Variants in CACNA1H observed in about 807,000 individuals in gnomAD.
CACNA1H encodes the protein calcium voltage-gated channel subunit alpha1 H, also known as voltage-dependent T-type calcium channel subunit alpha-1H.
A neutral mutation model predicts 192.5 loss-of-function variants in CACNA1H; 149 were observed. The observed-to-expected ratio is 0.77, with a 90% CI of 0.68 to 0.89. The LOEUF is 0.89. Ranked by LOEUF, CACNA1H falls within the 40% of genes least tolerant of loss-of-function variation. The pLI, the probability that CACNA1H is intolerant of heterozygous loss-of-function variation, is 0.00. For missense variants in CACNA1H, 4,257 were observed against 3,423.5 expected, an observed-to-expected ratio of 1.24 and a Z score of -6.08; for synonymous variants, 2,202 against 1,475.2, an observed-to-expected ratio of 1.49 and a Z score of -11.29.
At chr16:1,160,906 G>C (rs1174923010) in intron 2 of CACNA1H, among the ~76,000 whole-genome samples, 1 of 152,128 alleles carries the variant, frequency 6.6e-6, no homozygotes, top group Non-Finnish European at 1.5e-5. Context: ...GGCCGGCGAG[G>C]ACCGAGGCAT....
rs375135684 is a variant in CACNA1H at position 1,210,391 on chromosome 16, G to C, written c.3867G>C (p.Lys1289Asn). 11 of 1,192,866 alleles carry C rather than the reference G, an allele frequency of 9.2e-6. No homozygotes were observed. Among genetic ancestry groups the C allele is most frequent in the Non-Finnish European group, 1.0e-5 (9 of 887,984 alleles). 73.9% of individuals were successfully genotyped at this position (1,192,866 alleles called of 1,614,324 possible). The change falls in exon 19 of 35, where the codon AAG becomes AAC. Residue 1289 changes from lysine (K) to asparagine (N), a missense_variant. Coordinates refer to ENST00000348261, the MANE Select transcript of CACNA1H (RefSeq NM_021098.3). ...CCAGGTTCCGCGTCTCCTGCCAGAAGGTCATCACACACAAGATGTTTGATC... is the reference window on the plus strand; with the variant it reads ...CCAGGTTCCGCGTCTCCTGCCAGAACGTCATCACACACAAGATGTTTGATC... ...PQNRFRVSCQ[K>N]VITHKMFDHV...
intron 2 of CACNA1H, among the ~76,000 whole-genome samples, chr16:1,161,529 G>A (rs1963198067): frequency 6.6e-6 from 1 of 152,154 alleles, no homozygotes; most frequent in African/African-American, 2.4e-5. Context: ...CAACTGGGTG[G>A]AGCCTCCTGG....
intron 25 of CACNA1H, 79 bp downstream of exon 25, chr16:1,212,217 G>T (rs758047061): frequency 2.0e-6 from 3 of 1,494,866 alleles, no homozygotes; most frequent in African/African-American, 2.8e-5. Flanking sequence ...CTCCACTCCC[G>T]CCCCGGCCTC....
intron 2 of CACNA1H, among the ~76,000 whole-genome samples, chr16:1,158,668 G>C (rs1289713155): frequency 6.6e-6 from 1 of 152,192 alleles, no homozygotes; most frequent in East Asian, 1.9e-4. Flanking sequence ...AGCAGGCCGG[G>C]CCCTGGCAGG....
rs779815222 is a variant in CACNA1H, at chr16:1,210,418, C to T, written c.3894C>T (p.His1298=). 8 of 1,473,098 alleles carry T rather than the reference C, an allele frequency of 5.4e-6. No individual in the cohort carries two copies. The highest frequency in any genetic ancestry group is 3.0e-5 in the East Asian group (1 of 33,550). The allele number at this position is 1,473,098 out of a possible 1,614,324, so 91.3% of individuals were successfully genotyped here. The change falls in exon 19 of 35, where the codon CAC becomes CAT. Residue 1298 remains histidine, a synonymous_variant. Coordinates refer to ENST00000348261, the MANE Select transcript of CACNA1H (RefSeq NM_021098.3). ...TCATCACACACAAGATGTTTGATCACGTGGTCCTCGTCTTCATCTTCCTCA... is the reference window on the plus strand; with the variant it reads ...TCATCACACACAAGATGTTTGATCATGTGGTCCTCGTCTTCATCTTCCTCA... ...QKVITHKMFD[H]VVLVFIFLNC... is the part of the protein sequence containing the mutation.
Position 1,220,288 on chromosome 16 carries a change from G to A in CACNA1H, c.6356G>A (p.Gly2119Asp), listed in dbSNP as rs766674239. 6.3e-7 allele frequency: 1 copy of A among 1,578,398 alleles called. No homozygotes were observed. The highest frequency in any genetic ancestry group is 1.1e-5 in the South Asian group (1 of 88,590). Residue 2119 changes from glycine (G) to aspartate (D), a missense_variant, in exon 35 of 35, where the codon GGC becomes GAC. Coordinates refer to ENST00000348261, the MANE Select transcript of CACNA1H (RefSeq NM_021098.3). The part of the protein sequence containing the change: ...CPWQPTAEPH[G>D]PEASPVAGGE... Reference sequence around the variant, plus strand: ...TGGCAGCCCACAGCCGAGCCCCATGGCCCCGAAGCCTCTCCGGTGGCCGGC... The same window carrying A: ...TGGCAGCCCACAGCCGAGCCCCATGACCCCGAAGCCTCTCCGGTGGCCGGC...
intron 6 of CACNA1H, among the ~76,000 whole-genome samples, chr16:1,199,822 C>T (rs972437882): frequency 1.3e-5 from 2 of 151,806 alleles, no homozygotes; most frequent in African/African-American, 2.4e-5. Flanking sequence ...TTTCCCTCAC[C>T]CCAGGCTTCC....
rs563732071 is a variant in CACNA1H, at chr16:1,171,078, C to T, written c.299+17042C>T. ...TTCCTGCACACCCTTGGCTCCCTGT[C>T]CCACTCCACGGCCAGGCCTTTGTCC... On this transcript the variant is annotated intron_variant, in intron 2 of 34. Transcript: ENST00000348261. Among the ~76,000 whole-genome samples, 3 of 152,306 alleles carry T rather than the reference C, an allele frequency of 2.0e-5. No homozygotes were observed. The East Asian group carries it at 5.8e-4, about 29-fold the overall frequency.
rs540298431 is a variant in CACNA1H at position 1,208,200 on chromosome 16, A to G, written c.3342A>G (p.Pro1114=). 10 of 1,564,228 alleles carry G rather than the reference A, an allele frequency of 6.4e-6. No individual in the cohort carries two copies. In the African/African-American group the frequency reaches 1.2e-4, roughly 19 times the overall value. ...GCAGCAGCAGCTCCGGGGACCCGCC[A>G]CTGGGAGACCAGAAGCCTCCGGTAG... ...RRGSSSSGDP[P]LGDQKPPASL... is the part of the protein sequence containing the mutation. The change falls in exon 16 of 35, where the codon CCA becomes CCG. Residue 1114 remains proline (P), a synonymous_variant. Transcript: ENST00000348261.
Position 1,204,135 on chromosome 16 carries a change from C to G in CACNA1H, c.2128C>G (p.Pro710Ala), listed in dbSNP as rs758252920. ...CPYCTRALED[P>A]EGELSGSESG... ...GTACTGCACCCGTGCCCTGGAGGAC[C>G]CGGAGGGTGAGCTCAGCGGCTCGGA... Residue 710 changes from proline to alanine, a missense_variant, in exon 10 of 35, where the codon CCG becomes GCG. Pro to Ala is a conservative substitution (Grantham distance 27, BLOSUM62 -1). Transcript: ENST00000348261. The G allele has an allele frequency of 6.2e-7, 1 of 1,612,394 alleles. No homozygotes were observed. Among genetic ancestry groups the G allele is most frequent in the African/African-American group, 1.3e-5 (1 of 75,056 alleles).
intron 4 of CACNA1H, 114 bp from the exon 5 acceptor site, chr16:1,195,812 C>T (rs1966895399): frequency 2.1e-6 from 2 of 957,252 alleles, no homozygotes; most frequent in East Asian, 2.5e-5. Context: ...GTACAAGGTC[C>T]TCCGGGTGCC....
chr16:1,184,888 G>A (rs1965828425), intron 2 of CACNA1H, among the ~76,000 whole-genome samples: 1 of 131,718 alleles, frequency 7.6e-6, no homozygotes, highest in Non-Finnish European at 1.6e-5. Flanking sequence ...CGTACCATGG[G>A]ATTAGCCATT....
rs1555511788 is a variant in CACNA1H at position 1,201,741 on chromosome 16, C to T, written c.1291C>T (p.Gln431Ter). Reference sequence around the variant, plus strand: ...CTCGGAGACGAAGCAGCGGGAGAGTCAGCTGATGCGGGAGCAGCGGGCACG... The same window carrying T: ...CTCGGAGACGAAGCAGCGGGAGAGTTAGCTGATGCGGGAGCAGCGGGCACG... ...QFSETKQRES[Q>*]LMREQRARHL... is the part of the protein sequence containing the mutation. Residue 431 changes from glutamine to a stop codon, truncating the protein, a stop_gained, in exon 9 of 35, where the codon CAG becomes TAG. Coordinates refer to ENST00000348261, the MANE Select transcript of CACNA1H (RefSeq NM_021098.3). LOFTEE classifies it high-confidence loss of function. The T allele has an allele frequency of 1.2e-6, 2 of 1,610,416 alleles. No homozygotes were observed. Among genetic ancestry groups the T allele is most frequent in the East Asian group, 2.2e-5 (1 of 44,818 alleles).
At position 1,172,554 on chromosome 16, in the gene CACNA1H, C is replaced by T. The variant is rs1018816751; in HGVS notation, c.299+18518C>T. Among the ~76,000 whole-genome samples the T allele has an allele frequency of 3.3e-5, 5 of 152,182 alleles. 1 individual carries two copies. Among genetic ancestry groups the T allele is most frequent in the African/African-American group, 7.2e-5 (3 of 41,452 alleles). On this transcript the variant is annotated intron_variant, in intron 2 of 34. Transcript: ENST00000348261. ...CCGCTCTGTGGAGGGAACCCCGAGG[C>T]GTGGGAGCAGTGGGTAGTCTGCACT...
At chr16:1,207,233 C>T (rs774791065) in intron 13 of CACNA1H, 42 bp from the exon 14 acceptor site, 39 of 1,569,138 alleles carry the variant, frequency 2.5e-5, no homozygotes, top group Admixed American at 5.5e-5. Context: ...GCCGGCATTT[C>T]GGGGCTGGGG....
At chr16:1,154,063 G>T (rs868008563) in intron 2 of CACNA1H, 27 bp downstream of exon 2, 4 of 958,056 alleles carry the variant, frequency 4.2e-6, no homozygotes, top group Non-Finnish European at 4.0e-6. Flanking sequence ...GCGGGGGGCG[G>T]GGGGCGGGGG....
Position 1,213,838 on chromosome 16 carries a change from G to C in CACNA1H, c.4836G>C (p.Ser1612=). The C allele has an allele frequency of 1.3e-6, 2 of 1,599,092 alleles. No individual in the cohort carries two copies. The highest frequency in any genetic ancestry group is 1.7e-6 in the Non-Finnish European group (2 of 1,173,904). The change falls in exon 27 of 35, where the codon TCG becomes TCC. Residue 1612 remains serine (S), a synonymous_variant. Coordinates refer to ENST00000348261, the MANE Select transcript of CACNA1H (RefSeq NM_021098.3). Reference sequence around the variant, plus strand: ...CGCCCACGCGCCGCTCCATTCACTCGCTGTGCACCAGCCACTATCTCGACC... The same window carrying C: ...CGCCCACGCGCCGCTCCATTCACTCCCTGTGCACCAGCCACTATCTCGACC... ...DYSPTRRSIH[S]LCTSHYLDLF... is the part of the protein sequence containing the mutation.
chr16:1,208,886 T>A (rs1356235467), intron 16 of CACNA1H, 146 bp from the exon 17 acceptor site: 4 of 894,908 alleles, frequency 4.5e-6, no homozygotes, highest in Non-Finnish European at 6.2e-6. Context: ...GGTGTCCCCC[T>A]AAAATCACAG....
Position 1,211,545 on chromosome 16 carries a change from A to G in CACNA1H, c.4415A>G (p.Gln1472Arg). Residue 1472 changes from glutamine to arginine, a missense_variant, in exon 23 of 35, where the codon CAG becomes CGG. By Grantham distance (43) the Gln-to-Arg change is conservative. Transcript: ENST00000348261. ...ACCAGGAACATCTCCACCAAGGCAC[A>G]GTGCCGGGCCGCCCACTACCGCTGG... ...PDTRNISTKA[Q>R]CRAAHYRWVR... 6.2e-7 allele frequency: 1 copy of G among 1,612,334 alleles called. No individual in the cohort carries two copies. Among genetic ancestry groups the G allele is most frequent in the Non-Finnish European group, 8.5e-7 (1 of 1,179,680 alleles).
Sources: allele counts gnomAD v4.1 joint callset (sites outside exome capture counted in the v4.1 genomes callset), GRCh38; gene constraint gnomAD v4.1.1; transcripts MANE v1.5; gene names NCBI Gene and HGNC (gene_info 2026-07-23, HGNC 2026-07-21).